Variants in WDFY4 observed in about 807,000 individuals in gnomAD.
WDFY4 encodes the protein WDFY family member 4.
In WDFY4, 169 loss-of-function variants were observed where a neutral mutation model predicts 351.9. The observed-to-expected ratio is 0.48, with a 90% CI of 0.42 to 0.55. WDFY4 has a LOEUF of 0.55. WDFY4 is among the 20% of genes least tolerant of loss of function. The pLI is 0.00. For synonymous variants in WDFY4, 1,622 were observed against 1,574.6 expected, an observed-to-expected ratio of 1.03 and a Z score of -0.71; for missense variants, 3,803 against 3,935.6, an observed-to-expected ratio of 0.97 and a Z score of 0.90.
intron 35 of WDFY4, among the ~76,000 whole-genome samples, chr10:48,825,642 G>A (rs1589697688): frequency 6.6e-6 from 1 of 151,964 alleles, no homozygotes; most frequent in African/African-American, 2.4e-5. Flanking sequence ...TTTAATAATC[G>A]CCATTCTGAC....
At chr10:48,811,353 G>A (rs1378571366) in intron 29 of WDFY4, among the ~76,000 whole-genome samples, 186 bp from the exon 30 acceptor site, 1 of 152,246 alleles carries the variant, frequency 6.6e-6, no homozygotes, top group African/African-American at 2.4e-5. Flanking sequence ...GAATGAGCAT[G>A]TCAGGAACAG....
chr10:48,874,573 A>G (rs2069919097), intron 41 of WDFY4, among the ~76,000 whole-genome samples: 1 of 152,120 alleles, frequency 6.6e-6, no homozygotes, highest in African/African-American at 2.4e-5. Flanking sequence ...AGATACTTAA[A>G]TTTTCTAAGT....
intron 11 of WDFY4, 103 bp downstream of exon 11, chr10:48,736,173 T>A: frequency 1.5e-6 from 2 of 1,341,212 alleles, no homozygotes; most frequent in Non-Finnish European, 2.1e-6. Flanking sequence ...TTAGCCACTG[T>A]ATGTGGCAGG....
chr10:48,863,199 G>A (rs181454237), intron 39 of WDFY4, among the ~76,000 whole-genome samples: 2 of 152,042 alleles, frequency 1.3e-5, no homozygotes, highest in Non-Finnish European at 2.9e-5. Context: ...TTTTTATCTT[G>A]GGTGTATACC....
Position 48,974,502 on chromosome 10 carries a change from CAAAAAAAAAAAAAA to C in WDFY4, c.8929-346_8929-333del, listed in dbSNP as rs553826473. Among the ~76,000 whole-genome samples, 39 of 10,396 alleles carry C rather than the reference CAAAAAAAAAAAAAA, an allele frequency of 3.8e-3. 1 individual carries two copies. The highest frequency in any genetic ancestry group is 0.011 in the African/African-American group (35 of 3,154). The allele number at this position is 10,396 out of a possible 152,430, so 6.8% of individuals were successfully genotyped here. ...TAGGCAACAGAGCAAGACTCCGTCT[CAAAAAAAAAAAAAA>C]AAAAAAAAAAAAACAACTCATGACA... On this transcript the variant is annotated intron_variant, in intron 57 of 61. Transcript: ENST00000325239.
chr10:48,919,863 C>A (rs911470410), intron 47 of WDFY4, among the ~76,000 whole-genome samples: 5 of 131,410 alleles, frequency 3.8e-5, no homozygotes, highest in Non-Finnish European at 8.8e-5. Context: ...GATATGATCT[C>A]TTTCAAAAAA....
chr10:48,839,486 G>A (rs1228852874), intron 39 of WDFY4, among the ~76,000 whole-genome samples: 1 of 152,144 alleles, frequency 6.6e-6, no homozygotes. Context: ...AAACCTGGAG[G>A]AAAATGAAGA....
intron 39 of WDFY4, among the ~76,000 whole-genome samples, chr10:48,856,617 A>T (rs531028999): frequency 6.6e-6 from 1 of 152,318 alleles, no homozygotes; most frequent in East Asian, 1.9e-4. Context: ...AAACTCAACA[A>T]GTAGTAACTT....
intron 51 of WDFY4, among the ~76,000 whole-genome samples, chr10:48,952,481 C>A (rs563746772): frequency 1.3e-5 from 2 of 152,268 alleles, no homozygotes; most frequent in African/African-American, 4.8e-5. Flanking sequence ...TGGAAAAGCA[C>A]GTGCAATAGA....
chr10:48,788,899 A>T, intron 21 of WDFY4, among the ~76,000 whole-genome samples: 1 of 152,246 alleles, frequency 6.6e-6, no homozygotes. Context: ...AAGAAAAATC[A>T]TAAATAAAAG....
chr10:48,760,419 G>T lies in WDFY4; in HGVS notation c.2532G>T (p.Leu844Phe). Reference protein sequence around the residue: ...VCIMVRLLPRLYHEDHPQLSE... With the variant: ...VCIMVRLLPRFYHEDHPQLSE... The stretch of plus-strand genomic sequence containing the variant: ...TCATGGTGAGGCTGCTGCCTCGGTT[G>T]TACCATGAAGATCACCCACAGGTAC... The change falls in exon 13 of 62, where the codon TTG becomes TTT. Residue 844 changes from leucine (L) to phenylalanine (F), a missense_variant. Coordinates refer to ENST00000325239, the MANE Select transcript of WDFY4 (RefSeq NM_001394531.1). 6.4e-7 allele frequency: 1 copy of T among 1,551,660 alleles called. No homozygotes were observed. The highest frequency in any genetic ancestry group is 8.7e-7 in the Non-Finnish European group (1 of 1,146,994).
intron 61 of WDFY4, among the ~76,000 whole-genome samples, 199 bp from the exon 62 acceptor site, chr10:48,982,310 A>G (rs1367494852): frequency 6.6e-6 from 1 of 151,600 alleles, no homozygotes; most frequent in Non-Finnish European, 1.5e-5. Context: ...CACCACCCTC[A>G]CAGCTCAATG....
chr10:48,687,376 G>A (rs138347426), intron 1 of WDFY4, among the ~76,000 whole-genome samples: 135 of 151,864 alleles, frequency 8.9e-4, no homozygotes, highest in African/African-American at 3.0e-3. Flanking sequence ...TCCACCTGTC[G>A]CTTTATGATT....
chr10:48,721,689 T>C (rs1184370177), intron 4 of WDFY4, among the ~76,000 whole-genome samples: 1 of 152,178 alleles, frequency 6.6e-6, no homozygotes, highest in African/African-American at 2.4e-5. Context: ...CTGATGTTTA[T>C]TGACTACTTC....
At chr10:48,926,373 T>G (rs1939051213) in intron 47 of WDFY4, among the ~76,000 whole-genome samples, 1 of 152,240 alleles carries the variant, frequency 6.6e-6, no homozygotes, top group Non-Finnish European at 1.5e-5. Flanking sequence ...CATTTTAATT[T>G]GGCATGGATT....
Position 48,810,619 on chromosome 10 carries a change from C to T in WDFY4, c.4928C>T (p.Ala1643Val), listed in dbSNP as rs2067414081. 1 of 1,551,460 alleles carries T rather than the reference C, an allele frequency of 6.4e-7. No individual in the cohort carries two copies. The highest frequency in any genetic ancestry group is 2.0e-5 in the Admixed American group (1 of 50,982). Residue 1643 changes from alanine to valine, a missense_variant, in exon 29 of 62, where the codon GCA becomes GTA. Ala to Val is a moderately conservative substitution (Grantham distance 64). Around this residue, in one of 3 missense-constraint regions of WDFY4, gnomAD observed 3,054 missense variants for 3,148.6 expected, o/e 0.97. Coordinates refer to ENST00000325239, the MANE Select transcript of WDFY4 (RefSeq NM_001394531.1). ...CTGCATGCCAGCACCACTGTGCTGG[C>T]ATTGAAGCTGCTGCTGTACTTTCTG... ...GHLHASTTVL[A>V]LKLLLYFLAS... is the part of the protein sequence containing the mutation.
intron 44 of WDFY4, 63 bp downstream of exon 44, chr10:48,890,790 C>G: frequency 6.5e-7 from 1 of 1,539,480 alleles, no homozygotes; most frequent in Non-Finnish European, 8.8e-7. Flanking sequence ...ACCAGCCGCC[C>G]CCACTATTCC....
intron 39 of WDFY4, among the ~76,000 whole-genome samples, chr10:48,858,196 G>A (rs574407467): frequency 1.4e-4 from 21 of 151,690 alleles, no homozygotes; most frequent in South Asian, 2.1e-4. Flanking sequence ...TTGTCATAGC[G>A]TTGTTCTCAT....
chr10:48,777,275 T>A (rs193035359), intron 16 of WDFY4, 144 bp from the exon 17 acceptor site: 1 of 821,804 alleles, frequency 1.2e-6, no homozygotes, highest in East Asian at 2.7e-5. Context: ...CCAGCTGCAG[T>A]CCATCCTTGG....
Sources: gnomAD v4.1 joint callset for allele counts (sites outside exome capture counted in the v4.1 genomes callset) on GRCh38, gnomAD v4.1.1 for gene constraint, gnomAD v4.1.1 regional missense constraint, MANE v1.5 for transcripts, NCBI Gene and HGNC (gene_info 2026-07-23, HGNC 2026-07-21) for gene names.